Variants in PHACTR2 observed in about 807,000 individuals in gnomAD.
PHACTR2 encodes the protein chromosome 6 open reading frame 56.
A neutral mutation model predicts 76.0 loss-of-function variants in PHACTR2; 30 were observed. That is an observed-to-expected ratio of 0.39 (90% CI 0.30 to 0.54). The LOEUF (loss-of-function observed/expected upper bound fraction) is 0.54, where lower values mean the gene tolerates loss of function less well. PHACTR2 is among the 20% of genes least tolerant of loss of function. The pLI, the probability that PHACTR2 is intolerant of heterozygous loss-of-function variation, is 0.61. For missense variants in PHACTR2, 696 were observed against 781.1 expected, an observed-to-expected ratio of 0.89 and a Z score of 1.30; for synonymous variants, 292 against 292.5, an observed-to-expected ratio of 1.00 and a Z score of 0.02.
At chr6:143,574,367 T>C (rs745957314) in intron 1 of PHACTR2, among the ~76,000 whole-genome samples, 1 of 152,196 alleles carries the variant, frequency 6.6e-6, no homozygotes, top group Non-Finnish European at 1.5e-5. Context: ...TCATTTACAC[T>C]CAAGGCTAAG....
rs745582823 is a variant in PHACTR2 at position 143,782,437 on chromosome 6, A to T, written c.1646-782A>T. 3.2e-4 allele frequency among the ~76,000 whole-genome samples: 49 copies of T among 152,196 alleles called. No individual in the cohort carries two copies. The highest frequency in any genetic ancestry group is 6.5e-4 in the Admixed American group (10 of 15,280). ...TGATCAGCTAAACGAAGCAACAGAGAGATGTTCCTCAAGTAAGCAACAACC... is the reference window on the plus strand; with the variant it reads ...TGATCAGCTAAACGAAGCAACAGAGTGATGTTCCTCAAGTAAGCAACAACC... On this transcript the variant is annotated intron_variant, in intron 9 of 12. Transcript: ENST00000440869. The surrounding 1 kb of genome is among the most constrained non-coding windows in gnomAD (Gnocchi z 4.6).
In PHACTR2 at chr6:143,571,223, A is replaced by G. The variant is rs1775443735; in HGVS notation, c.217+34016A>G. 6.6e-6 allele frequency among the ~76,000 whole-genome samples: 1 copy of G among 152,242 alleles called. No individual in the cohort carries two copies. Among genetic ancestry groups the G allele is most frequent in the African/African-American group, 2.4e-5 (1 of 41,470 alleles). The stretch of plus-strand genomic sequence containing the variant: ...TATCCCACTAACAATTATCATTGTT[A>G]GTAACAATTATCATTGCGGTGTTTG... On this transcript the variant is annotated intron_variant, in intron 1 of 11. Coordinates refer to the PHACTR2 transcript ENST00000367584. This position sits in a 1 kb window ranked among gnomAD's most constrained non-coding sequence, Gnocchi z 4.6.
chr6:143,779,131 A>G (rs1327506496), intron 9 of PHACTR2, among the ~76,000 whole-genome samples: 1 of 152,218 alleles, frequency 6.6e-6, no homozygotes, highest in Non-Finnish European at 1.5e-5. Flanking sequence ...GGGAGGCAGA[A>G]GAAAACTGGG....
At chr6:143,687,169 G>T (rs1357650964) in intron 1 of PHACTR2, among the ~76,000 whole-genome samples, 1 of 152,020 alleles carries the variant, frequency 6.6e-6, no homozygotes, top group East Asian at 1.9e-4. Flanking sequence ...CATCAGATTT[G>T]GTCAGTGACT....
intron 2 of PHACTR2, among the ~76,000 whole-genome samples, chr6:143,720,780 T>G (rs908016545): frequency 3.3e-5 from 5 of 152,058 alleles, no homozygotes; most frequent in Non-Finnish European, 7.4e-5. Context: ...GCCTGGCTAA[T>G]TTTTGTGTTA....
Position 143,707,996 on chromosome 6 carries a change from G to A in PHACTR2, c.47-4020G>A, listed in dbSNP as rs564844388. Among the ~76,000 whole-genome samples, 7 of 152,164 alleles carry A rather than the reference G, an allele frequency of 4.6e-5. No individual in the cohort carries two copies. The East Asian group carries it at 7.7e-4, about 17-fold the overall frequency. ...TCACTATACAGTATCAAGAGGGGAC[G>A]GTGCTAAGCAATTCATGAAAACTCT... On this transcript the variant is annotated intron_variant, in intron 1 of 12. Coordinates refer to ENST00000440869, the MANE Select transcript of PHACTR2 (RefSeq NM_001100164.2).
At chr6:143,568,850 A>G (rs1002328615) in intron 1 of PHACTR2, among the ~76,000 whole-genome samples, 10 of 152,178 alleles carry the variant, frequency 6.6e-5, no homozygotes, top group African/African-American at 9.7e-5. Context: ...GTATGGTATT[A>G]TTTACTTTCC....
chr6:143,817,833 G>A (rs895044517), intron 12 of PHACTR2, among the ~76,000 whole-genome samples: 1 of 152,210 alleles, frequency 6.6e-6, no homozygotes, highest in Admixed American at 6.5e-5. Flanking sequence ...TAGACTAGTG[G>A]TTATTAGAAG....
rs73778689 is a variant in PHACTR2, at chr6:143,787,953, G to A, written c.1708-820G>A. ...AAGACCAAAATGGGAGTGAACCTCC[G>A]TAGCAGAGAGTAGATAATGCCTGTT... is the stretch of plus-strand genomic sequence containing the variant. On this transcript the variant is annotated intron_variant, in intron 10 of 12. Coordinates refer to ENST00000440869, the MANE Select transcript of PHACTR2 (RefSeq NM_001100164.2). This position sits in a 1 kb window ranked among gnomAD's most constrained non-coding sequence, Gnocchi z 4.6. Among the ~76,000 whole-genome samples, 503 of 152,280 alleles carry A rather than the reference G, an allele frequency of 3.3e-3. 7 individuals are homozygous for A. Among genetic ancestry groups the A allele is most frequent in the African/African-American group, 0.012 (488 of 41,570 alleles).
rs1776704601 is a variant in PHACTR2, at chr6:143,648,859, T to C, written c.13+40537T>C. On this transcript the variant is annotated intron_variant, in intron 1 of 11. Transcript: ENST00000305766. The surrounding 1 kb of genome is among the most constrained non-coding windows in gnomAD (Gnocchi z 6.7). ...GTGTGTGTCTGTGTATGTGTCCATG[T>C]GTGTGTCTATGCATATGTGTCTATG... 6.6e-6 allele frequency among the ~76,000 whole-genome samples: 1 copy of C among 150,518 alleles called. No homozygotes were observed. Among genetic ancestry groups the C allele is most frequent in the African/African-American group, 2.5e-5 (1 of 40,718 alleles).
chr6:143,589,430 C>A lies in PHACTR2; in HGVS notation c.217+52223C>A, dbSNP rs1775663841. 6.6e-6 allele frequency among the ~76,000 whole-genome samples: 1 copy of A among 152,146 alleles called. No homozygotes were observed. The highest frequency in any genetic ancestry group is 2.1e-4 in the South Asian group (1 of 4,830). ...TCCTCTTTGCCTTTTGCCATGATTC[C>A]AAGTTTCCTGAGGCCTCCCCAGTCA... On this transcript the variant is annotated intron_variant, in intron 1 of 11. Coordinates refer to the PHACTR2 transcript ENST00000367584. The surrounding 1 kb of genome is among the most constrained non-coding windows in gnomAD (Gnocchi z 4.4).
rs1775795648 is a variant in PHACTR2, at chr6:143,599,946, A to G, written c.217+62739A>G. Among the ~76,000 whole-genome samples the G allele has an allele frequency of 6.6e-6, 1 of 152,236 alleles. No individual in the cohort carries two copies. The highest frequency in any genetic ancestry group is 6.5e-5 in the Admixed American group (1 of 15,286). On this transcript the variant is annotated intron_variant, in intron 1 of 11. Coordinates refer to the PHACTR2 transcript ENST00000367584. The surrounding 1 kb of genome is among the most constrained non-coding windows in gnomAD (Gnocchi z 4.6). ...AGCAGATGCCTTGTCTAAAGCTTTC[A>G]AGGTTTGGCCTGGCCAAATGATCAT... is the stretch of plus-strand genomic sequence containing the variant.
chr6:143,830,333 T>C lies in PHACTR2; in HGVS notation c.*6644T>C, dbSNP rs1776641395. 6.6e-6 allele frequency: 1 copy of C among 151,860 alleles called. No homozygotes were observed. 9.4% of individuals were successfully genotyped at this position (151,860 alleles called of 1,614,324 possible). ...AGGGATTTTTAAATAACGGACTATA[T>C]GCATTCTTTTGTTATTTCACACTTC... On this transcript the variant is annotated 3_prime_UTR_variant, in exon 13 of 13. Transcript: ENST00000440869.
rs1426312767 is a variant in PHACTR2 at position 143,653,502 on chromosome 6, T to C, written c.13+45180T>C. Among the ~76,000 whole-genome samples the C allele has an allele frequency of 6.6e-6, 1 of 152,116 alleles. No homozygotes were observed. Among genetic ancestry groups the C allele is most frequent in the African/African-American group, 2.4e-5 (1 of 41,430 alleles). ...TGCAGCTTCCCACATGCAAAGTTTA[T>C]TTTCGGAGAGTAGTTTATATATGGA... On this transcript the variant is annotated intron_variant, in intron 1 of 11. Coordinates refer to the PHACTR2 transcript ENST00000305766. The surrounding 1 kb of genome is among the most constrained non-coding windows in gnomAD (Gnocchi z 4.9).
At chr6:143,634,995 T>C (rs536250072) in intron 1 of PHACTR2, among the ~76,000 whole-genome samples, 6 of 152,110 alleles carry the variant, frequency 3.9e-5, no homozygotes, top group African/African-American at 1.2e-4. Flanking sequence ...AGAACATGTA[T>C]CTACTCTAAG....
chr6:143,750,446 A>G lies in PHACTR2; in HGVS notation c.295+1381A>G, dbSNP rs1217766762. Among the ~76,000 whole-genome samples the G allele has an allele frequency of 6.6e-6, 1 of 152,210 alleles. No homozygotes were observed. The highest frequency in any genetic ancestry group is 2.4e-5 in the African/African-American group (1 of 41,456). ...ATAATATACCCATTGAAAGCTTAAC[A>G]CTGGGCCATCAGCTTTATGGGATGG... On this transcript the variant is annotated intron_variant, in intron 3 of 12. Coordinates refer to ENST00000440869, the MANE Select transcript of PHACTR2 (RefSeq NM_001100164.2). This position sits in a 1 kb window ranked among gnomAD's most constrained non-coding sequence, Gnocchi z 4.6.
At chr6:143,702,111 T>C (rs1331042060) in intron 1 of PHACTR2, among the ~76,000 whole-genome samples, 1 of 149,868 alleles carries the variant, frequency 6.7e-6, no homozygotes, top group East Asian at 2.0e-4. Flanking sequence ...GTCCTGATTG[T>C]GCAATGTCTT....
intron 2 of PHACTR2, among the ~76,000 whole-genome samples, chr6:143,725,559 GTTC>G (rs1206543111): frequency 4.0e-5 from 6 of 151,864 alleles, no homozygotes; most frequent in African/African-American, 1.4e-4. Flanking sequence ...CTACTGGTCT[GTTC>G]TTCTTCACCA....
At chr6:143,582,322 G>A (rs1354926945) in intron 1 of PHACTR2, among the ~76,000 whole-genome samples, 1 of 152,100 alleles carries the variant, frequency 6.6e-6, no homozygotes. Flanking sequence ...ACGCCACTAG[G>A]AGAGTGAGTC....
Sources: gnomAD v4.1 joint callset for allele counts (sites outside exome capture counted in the v4.1 genomes callset) on GRCh38, gnomAD v4.1.1 for gene constraint, Gnocchi (gnomAD v3.1) non-coding constraint, MANE v1.5 for transcripts, NCBI Gene and HGNC (gene_info 2026-07-23, HGNC 2026-07-21) for gene names.